The following NCAM2 variants were observed in gnomAD, a reference collection of about 807,000 sequenced individuals.
The protein encoded by NCAM2 is neural cell adhesion molecule 2, also known as N-CAM-2.
Under a neutral mutation model 98.1 loss-of-function variants are expected in NCAM2, and 30 were observed. The ratio of observed to expected loss-of-function variants is 0.31; its 90% CI spans 0.23 to 0.41. The LOEUF (loss-of-function observed/expected upper bound fraction) is 0.41, where lower values mean the gene tolerates loss of function less well. Ranked by LOEUF, NCAM2 falls within the 10% of genes least tolerant of loss-of-function variation. NCAM2 has a pLI of 1.00. For missense variants in NCAM2, 867 were observed against 1,005.8 expected (o/e 0.86, Z 1.87); for synonymous variants, 368 against 342.4 (o/e 1.07, Z -0.83).
intron 1 of NCAM2, among the ~76,000 whole-genome samples, chr21:21,247,998 G>A (rs2071341278): frequency 2.0e-5 from 3 of 152,026 alleles, no homozygotes; most frequent in Non-Finnish European, 4.4e-5. Flanking sequence ...CATATACAGA[G>A]GACAGAATGT....
intron 12 of NCAM2, among the ~76,000 whole-genome samples, chr21:21,450,790 G>T (rs1980919016): frequency 1.3e-5 from 1 of 79,350 alleles, no homozygotes; most frequent in African/African-American, 4.4e-5. Flanking sequence ...ATGTATGTAT[G>T]TATACACACA....
At chr21:21,388,129 G>C (rs779527034) in intron 9 of NCAM2, among the ~76,000 whole-genome samples, 1 of 152,152 alleles carries the variant, frequency 6.6e-6, no homozygotes, top group Non-Finnish European at 1.5e-5. Context: ...TCATCTTATG[G>C]TGATGGCAGA....
intron 1 of NCAM2, among the ~76,000 whole-genome samples, chr21:21,117,889 TA>T (rs2146552691): frequency 6.6e-6 from 1 of 152,318 alleles, no homozygotes; most frequent in African/African-American, 2.4e-5. Flanking sequence ...TAGGGTATAC[TA>T]AAAAGTTTAT....
At chr21:21,125,326 A>T (rs1198678504) in intron 1 of NCAM2, among the ~76,000 whole-genome samples, 1 of 148,772 alleles carries the variant, frequency 6.7e-6, no homozygotes, top group East Asian at 1.9e-4. Context: ...TCTTGGAAAC[A>T]GTTTTGAAAT....
At position 21,468,782 on chromosome 21, in the gene NCAM2, G is replaced by C; in HGVS notation, c.1895G>C (p.Ser632Thr). The part of the protein sequence containing the change: ...PILEYIVKYR[S>T]KDKEDQWLEK... Reference sequence around the variant, plus strand: ...TTGGAATACATTGTGAAATATAGAAGTGTAAGTACCTTGTTTATTGTCATA... The same window carrying C: ...TTGGAATACATTGTGAAATATAGAACTGTAAGTACCTTGTTTATTGTCATA... Residue 632 changes from serine (S) to threonine (T), a missense_variant and splice_region_variant, in exon 14 of 18, where the codon AGT (serine) becomes ACT (threonine). By Grantham distance (58) the Ser-to-Thr change is moderately conservative. This residue lies in a region of NCAM2 where 234 missense variants were observed against 333.8 expected (regional missense o/e 0.70). Coordinates refer to ENST00000400546, the MANE Select transcript of NCAM2 (RefSeq NM_004540.5). The C allele has an allele frequency of 1.9e-6, 3 of 1,609,476 alleles. No individual in the cohort carries two copies. Among genetic ancestry groups the C allele is most frequent in the Non-Finnish European group, 2.5e-6 (3 of 1,177,316 alleles).
chr21:21,159,249 TAAA>T (rs892287503), intron 1 of NCAM2, among the ~76,000 whole-genome samples: 3 of 152,058 alleles, frequency 2.0e-5, no homozygotes, highest in Non-Finnish European at 2.9e-5. Flanking sequence ...TTTTAAAAAA[TAAA>T]AAAGTTATAT....
chr21:21,375,220 AC>A (rs2076005604), intron 9 of NCAM2, among the ~76,000 whole-genome samples: 2 of 148,176 alleles, frequency 1.3e-5, no homozygotes, highest in African/African-American at 5.1e-5. Context: ...AAAAACAAAA[AC>A]AAAAAAAAAA....
chr21:21,157,049 A>AG (rs1287288122), intron 1 of NCAM2, among the ~76,000 whole-genome samples: 3 of 131,732 alleles, frequency 2.3e-5, no homozygotes, highest in African/African-American at 7.5e-5. Context: ...GTATTCCTAC[A>AG]GATTTTTTTT....
At chr21:21,309,422 A>G (rs766395730) in intron 5 of NCAM2, among the ~76,000 whole-genome samples, 7 of 152,142 alleles carry the variant, frequency 4.6e-5, no homozygotes, top group Non-Finnish European at 7.4e-5. Flanking sequence ...TGCCCCACCC[A>G]TGAGATAAGA....
intron 1 of NCAM2, among the ~76,000 whole-genome samples, chr21:21,228,722 T>C (rs527991554): frequency 6.6e-6 from 1 of 151,482 alleles, no homozygotes; most frequent in African/African-American, 2.4e-5. Flanking sequence ...GAACCATCAA[T>C]ATTACTTTGG....
At chr21:21,087,363 G>T (rs1181749822) in intron 1 of NCAM2, among the ~76,000 whole-genome samples, 1 of 152,244 alleles carries the variant, frequency 6.6e-6, no homozygotes, top group Admixed American at 6.5e-5. Flanking sequence ...AAAAAGGTCT[G>T]AGTATTTTTC....
At chr21:21,011,436 G>T (rs1938059591) in intron 1 of NCAM2, among the ~76,000 whole-genome samples, 2 of 151,722 alleles carry the variant, frequency 1.3e-5, no homozygotes, top group African/African-American at 4.8e-5. Context: ...TTTTTTTCTG[G>T]CCAATTCTCC....
intron 1 of NCAM2, among the ~76,000 whole-genome samples, chr21:21,064,219 G>A (rs9976160): frequency 0.21 from 32,558 of 152,056 alleles, 3,979 homozygotes; most frequent in African/African-American, 0.31. Flanking sequence ...CACTGAGGGC[G>A]TGCTAAGAAT....
chr21:21,533,402 A>C (rs1475160396), intron 16 of NCAM2, among the ~76,000 whole-genome samples: 1 of 151,734 alleles, frequency 6.6e-6, no homozygotes, highest in Non-Finnish European at 1.5e-5. Flanking sequence ...AAACTGCCTC[A>C]GTTGCCTTAG....
At chr21:21,527,700 A>C (rs900499378) in intron 16 of NCAM2, among the ~76,000 whole-genome samples, 2 of 152,216 alleles carry the variant, frequency 1.3e-5, no homozygotes, top group African/African-American at 4.8e-5. Flanking sequence ...AACATTGACA[A>C]CACCAAATGG....
chr21:21,459,394 A>G (rs1982622909), intron 12 of NCAM2, among the ~76,000 whole-genome samples: 2 of 150,738 alleles, frequency 1.3e-5, no homozygotes, highest in African/African-American at 2.4e-5. Context: ...TCTGTGAATG[A>G]ATGGTTAAAG....
At chr21:21,147,788 A>G (rs1192631145) in intron 1 of NCAM2, among the ~76,000 whole-genome samples, 1 of 123,358 alleles carries the variant, frequency 8.1e-6, no homozygotes, top group Admixed American at 9.5e-5. Context: ...GTGTGTATAT[A>G]TATAAATTTA....
chr21:21,057,624 T>C (rs2065238462), intron 1 of NCAM2, among the ~76,000 whole-genome samples: 1 of 152,120 alleles, frequency 6.6e-6, no homozygotes, highest in African/African-American at 2.4e-5. Flanking sequence ...TCATAACTTT[T>C]CCCCATCACG....
At chr21:21,047,565 A>C (rs1246815840) in intron 1 of NCAM2, among the ~76,000 whole-genome samples, 1 of 152,208 alleles carries the variant, frequency 6.6e-6, no homozygotes, top group Non-Finnish European at 1.5e-5. Context: ...TATGGTGTGG[A>C]AGCTTGCATT....
Sources: gnomAD v4.1 joint callset for allele counts (sites outside exome capture counted in the v4.1 genomes callset) on GRCh38, gnomAD v4.1.1 for gene constraint, gnomAD v4.1.1 regional missense constraint, MANE v1.5 for transcripts, NCBI Gene and HGNC (gene_info 2026-07-23, HGNC 2026-07-21) for gene names.